CPNE1: variants seen among roughly 807,000 people sequenced by gnomAD.
CPNE1 encodes copine 1.
Under a neutral mutation model 63.2 loss-of-function variants are expected in CPNE1, and 58 were observed. The observed-to-expected ratio is 0.92, with a 90% confidence interval of 0.74 to 1.14. CPNE1 has a LOEUF of 1.14. CPNE1 is among the 50% of genes most tolerant of loss of function. The pLI, the probability that CPNE1 is intolerant of heterozygous loss-of-function variation, is 0.00. For synonymous variants in CPNE1, 237 were observed against 249.0 expected, an observed-to-expected ratio of 0.95 and a Z score of 0.45; for missense variants, 672 against 661.7, an observed-to-expected ratio of 1.02 and a Z score of -0.17.
At chr20:35,647,611 G>C (rs2033204428) in intron 1 of CPNE1, among the ~76,000 whole-genome samples, 1 of 152,026 alleles carries the variant, frequency 6.6e-6, no homozygotes, top group Non-Finnish European at 1.5e-5. Context: ...TCCAGTGATA[G>C]AGCAGTATGT....
chr20:35,658,850 T>A, intron 1 of CPNE1: 1 of 688,384 alleles, frequency 1.5e-6, no homozygotes, highest in Non-Finnish European at 2.7e-6. Context: ...ATATAGTTGC[T>A]ACATATATTT....
At chr20:35,652,433 C>T in intron 1 of CPNE1, 2 of 1,424,384 alleles carry the variant, frequency 1.4e-6, no homozygotes, top group South Asian at 2.8e-5. Context: ...AAACAATCCA[C>T]AGGTTCTAAC....
chr20:35,634,781 C>CA (rs1190035891), intron 1 of CPNE1, among the ~76,000 whole-genome samples: 1 of 152,018 alleles, frequency 6.6e-6, no homozygotes, highest in Non-Finnish European at 1.5e-5. Context: ...CACTGTCACC[C>CA]AGGCTGAAGT....
intron 1 of CPNE1, chr20:35,653,771 G>A (rs1233165676): frequency 5.6e-6 from 9 of 1,614,000 alleles, no homozygotes; most frequent in African/African-American, 1.3e-5. Context: ...AGTCTTTTTC[G>A]AATCATATCT....
intron 13 of CPNE1, among the ~76,000 whole-genome samples, chr20:35,627,970 C>A (rs1018501905): frequency 2.7e-5 from 4 of 146,722 alleles, no homozygotes; most frequent in Non-Finnish European, 6.0e-5. Flanking sequence ...CATAGTGAGA[C>A]CCCCGTCACT....
intron 1 of CPNE1, chr20:35,653,043 ACT>A: frequency 6.2e-7 from 1 of 1,613,856 alleles, no homozygotes; most frequent in Non-Finnish European, 8.5e-7. Context: ...CAGGCAAACC[ACT>A]GTTTCCAACT....
intron 1 of CPNE1, chr20:35,650,554 CATAT>C (rs2033431755): frequency 6.6e-6 from 1 of 152,512 alleles, no homozygotes; most frequent in African/African-American, 2.4e-5. Flanking sequence ...AATTAAACAG[CATAT>C]ACAAACGTTA....
At chr20:35,628,994 A>G (rs1262028011) in intron 13 of CPNE1, among the ~76,000 whole-genome samples, 3 of 152,252 alleles carry the variant, frequency 2.0e-5, no homozygotes, top group Non-Finnish European at 4.4e-5. Flanking sequence ...ACACGTATAC[A>G]TGTGTGTACA....
intron 1 of CPNE1, among the ~76,000 whole-genome samples, chr20:35,646,475 G>T (rs1306510165): frequency 6.8e-6 from 1 of 147,238 alleles, no homozygotes; most frequent in South Asian, 2.1e-4. Flanking sequence ...CTCCCACCTC[G>T]GCCTCCCAAA....
intron 1 of CPNE1, among the ~76,000 whole-genome samples, chr20:35,637,211 T>C (rs1374760538): frequency 3.9e-5 from 6 of 152,070 alleles, no homozygotes; most frequent in African/African-American, 1.4e-4. Flanking sequence ...GCTTGGTTTC[T>C]GTCCTAGCAC....
At chr20:35,657,794 C>T (rs1366997317) in intron 1 of CPNE1, among the ~76,000 whole-genome samples, 1 of 152,158 alleles carries the variant, frequency 6.6e-6, no homozygotes, top group Admixed American at 6.5e-5. Flanking sequence ...GGTGCGGTGG[C>T]TCACACCTGT....
At chr20:35,655,735 T>C (rs546497932) in intron 1 of CPNE1, among the ~76,000 whole-genome samples, 6 of 152,170 alleles carry the variant, frequency 3.9e-5, no homozygotes, top group Admixed American at 1.3e-4. Flanking sequence ...AAAGAATATA[T>C]AGAAGTTAGT....
intron 1 of CPNE1, among the ~76,000 whole-genome samples, chr20:35,655,838 T>A (rs1028898194): frequency 9.2e-5 from 14 of 152,164 alleles, no homozygotes; most frequent in African/African-American, 3.4e-4. Flanking sequence ...TCAAAATCCA[T>A]CCAACAGAAG....
At chr20:35,654,197 G>A (rs1439171078) in intron 1 of CPNE1, 2 of 1,614,142 alleles carry the variant, frequency 1.2e-6, no homozygotes, top group Admixed American at 3.3e-5. Flanking sequence ...TCTGTGGCAG[G>A]GCTAACTTCC....
chr20:35,654,486 C>A (rs140930448), intron 1 of CPNE1: 25 of 1,614,038 alleles, frequency 1.5e-5, no homozygotes, highest in Admixed American at 1.2e-4. Flanking sequence ...CAGGATTCAA[C>A]GGACCAAGAA....
At chr20:35,644,035 T>C (rs1402393391) in intron 1 of CPNE1, among the ~76,000 whole-genome samples, 2 of 152,138 alleles carry the variant, frequency 1.3e-5, no homozygotes, top group African/African-American at 4.8e-5. Context: ...TAATTATTTT[T>C]CTCTGCCTGG....
chr20:35,629,942 G>A (rs769041197), intron 13 of CPNE1, among the ~76,000 whole-genome samples: 2 of 152,134 alleles, frequency 1.3e-5, no homozygotes. Context: ...GATTACGGGC[G>A]TGAGCCACCA....
intron 1 of CPNE1, among the ~76,000 whole-genome samples, chr20:35,639,305 A>G (rs1211014316): frequency 6.6e-6 from 1 of 152,150 alleles, no homozygotes; most frequent in Non-Finnish European, 1.5e-5. Flanking sequence ...ACTTTGCTAC[A>G]TGTTGAAAAT....
chr20:35,658,362 G>A (rs951685684), intron 1 of CPNE1, among the ~76,000 whole-genome samples: 1 of 152,126 alleles, frequency 6.6e-6, no homozygotes, highest in Admixed American at 6.5e-5. Flanking sequence ...CTGCCTATCA[G>A]GAAAATCACA....
Sources: gnomAD v4.1 joint callset for allele counts (sites outside exome capture counted in the v4.1 genomes callset) on GRCh38, gnomAD v4.1.1 for gene constraint, MANE v1.5 for transcripts, NCBI Gene and HGNC (gene_info 2026-07-23, HGNC 2026-07-21) for gene names.